LIMK1: variants seen among roughly 807,000 people sequenced by gnomAD.
LIMK1 encodes LIM motif-containing protein kinase.
In LIMK1, 21 loss-of-function variants were observed where a neutral mutation model predicts 77.6. That is an observed-to-expected ratio of 0.27 (90% CI 0.19 to 0.39). The LOEUF is 0.39. Ranked by LOEUF, LIMK1 falls within the 10% of genes least tolerant of loss-of-function variation. The pLI is 1.00. For missense variants in LIMK1, 696 were observed against 901.6 expected (o/e 0.77, Z 2.92); for synonymous variants, 358 against 370.0 (o/e 0.97, Z 0.37).
rs57707215 is a variant in LIMK1, at chr7:74,118,377, A to AACACACACAC, written c.1568-2166_1568-2157dup. Among the ~76,000 whole-genome samples, 505 of 130,124 alleles carry AACACACACAC rather than the reference A, an allele frequency of 3.9e-3. 1 individual carries two copies. Among genetic ancestry groups the AACACACACAC allele is most frequent in the Middle Eastern group, 0.016 (4 of 254 alleles). 85.4% of individuals were successfully genotyped at this position (130,124 alleles called of 152,430 possible). A position where few individuals can be genotyped will look rare whatever the true frequency, so the allele number is the denominator to read the frequency against. ...GACGACAGAGTGGGACTCTGTGTCAAACACACACACACACACACACACACA... is the reference window on the plus strand; with the variant it reads ...GACGACAGAGTGGGACTCTGTGTCAAACACACACACACACACACACACACACACACACACA... On this transcript the variant is annotated intron_variant, in intron 13 of 15. Coordinates refer to ENST00000336180, the MANE Select transcript of LIMK1 (RefSeq NM_002314.4).
chr7:74,099,278 A>T (rs373252592), intron 5 of LIMK1, 40 bp downstream of exon 5: 1 of 1,573,440 alleles, frequency 6.4e-7, no homozygotes, highest in East Asian at 2.2e-5. Flanking sequence ...CGGTGTGGCT[A>T]TGGCTGTTGA....
chr7:74,102,867 C>CTTTT (rs200075270), intron 5 of LIMK1, among the ~76,000 whole-genome samples: 1 of 135,408 alleles, frequency 7.4e-6, no homozygotes, highest in East Asian at 2.1e-4. Context: ...TCATCAGTAT[C>CTTTT]TTTTTTTTTT....
At chr7:74,095,617 GCTGGCCTCAAACCT>G (rs1799323537) in intron 2 of LIMK1, among the ~76,000 whole-genome samples, 2 of 152,024 alleles carry the variant, frequency 1.3e-5, no homozygotes, top group African/African-American at 4.8e-5. Context: ...TGTTGCCCAG[GCTGGCCTCAAACCT>G]CTGGCCTCAA....
intron 11 of LIMK1, 93 bp from the exon 12 acceptor site, chr7:74,111,831 CTGGCCTGAT>C: frequency 2.1e-6 from 3 of 1,435,582 alleles, no homozygotes; most frequent in Non-Finnish European, 2.9e-6. Context: ...ATCGTCCCGA[CTGGCCTGAT>C]TGGGGTGGGA....
At chr7:74,110,536 G>A (rs1211004122) in intron 10 of LIMK1, 1 of 152,094 alleles carries the variant, frequency 6.6e-6, no homozygotes, top group African/African-American at 2.4e-5. Context: ...TTTTGTTTTT[G>A]TTTTTGTTTT....
Position 74,120,928 on chromosome 7 carries a change from C to A in LIMK1, c.1660C>A (p.Pro554Thr). The A allele has an allele frequency of 6.2e-7, 1 of 1,614,158 alleles. No individual in the cohort carries two copies. The highest frequency in any genetic ancestry group is 1.1e-5 in the South Asian group (1 of 91,088). Reference sequence around the variant, plus strand: ...GGTGAACGCAGACCCTGACTACCTGCCCCGCACCATGGACTTTGGCCTCAA... The same window carrying A: ...GGTGAACGCAGACCCTGACTACCTGACCCGCACCATGGACTTTGGCCTCAA... Reference protein sequence around the residue: ...GRVNADPDYLPRTMDFGLNVR... With the variant: ...GRVNADPDYLTRTMDFGLNVR... The change falls in exon 15 of 16, where the codon CCC becomes ACC. Residue 554 changes from proline to threonine, a missense_variant. Transcript: ENST00000336180.
chr7:74,084,136 C>A, intron 1 of LIMK1, 91 bp downstream of exon 1: 1 of 586,452 alleles, frequency 1.7e-6, no homozygotes, highest in South Asian at 2.9e-5. Context: ...GCCAGGAGGC[C>A]GCGCCCCTGC....
chr7:74,120,342 G>T (rs1706947594), intron 13 of LIMK1, among the ~76,000 whole-genome samples: 1 of 152,250 alleles, frequency 6.6e-6, no homozygotes, highest in South Asian at 2.1e-4. Context: ...GCTGATCGGT[G>T]CCTCGAACTC....
chr7:74,086,968 G>A (rs1210368986), intron 2 of LIMK1, among the ~76,000 whole-genome samples: 1 of 152,144 alleles, frequency 6.6e-6, no homozygotes, highest in East Asian at 1.9e-4. Flanking sequence ...CAGGGTTGTG[G>A]CGGAGGATAA....
chr7:74,093,086 CT>C, intron 2 of LIMK1: 2 of 1,400,604 alleles, frequency 1.4e-6, no homozygotes, highest in African/African-American at 2.9e-5. Context: ...ACCAAGTCCC[CT>C]GGCACCCACG....
intron 4 of LIMK1, among the ~76,000 whole-genome samples, chr7:74,098,196 A>G (rs1359415812): frequency 2.0e-5 from 3 of 152,162 alleles, no homozygotes; most frequent in Non-Finnish European, 2.9e-5. Flanking sequence ...TTCAAATCAC[A>G]TGATGTATCT....
chr7:74,114,691 G>A (rs373204368), intron 12 of LIMK1, among the ~76,000 whole-genome samples: 1 of 152,078 alleles, frequency 6.6e-6, no homozygotes, highest in Non-Finnish European at 1.5e-5. Flanking sequence ...CGACGTGGGC[G>A]GATCACGAGG....
In LIMK1 at chr7:74,102,970, T is replaced by C. The variant is rs980533902; in HGVS notation, c.609-2905T>C. On this transcript the variant is annotated intron_variant, in intron 5 of 15. Coordinates refer to ENST00000336180, the MANE Select transcript of LIMK1 (RefSeq NM_002314.4). ...TGCAACCTCCGCCTTTGGGCTTAAG[T>C]GATTCTCCTGCCTCAGCCTCCTAAG... Among the ~76,000 whole-genome samples, 3 of 151,702 alleles carry C rather than the reference T, an allele frequency of 2.0e-5. No homozygotes were observed. In the East Asian group the frequency reaches 5.8e-4, roughly 29 times the overall value.
At chr7:74,116,735 T>A (rs1373408092) in intron 13 of LIMK1, among the ~76,000 whole-genome samples, 1 of 150,354 alleles carries the variant, frequency 6.7e-6, no homozygotes, top group East Asian at 2.0e-4. Flanking sequence ...AGGGTCTCGC[T>A]CTGTTACTCA....
At chr7:74,113,309 G>A (rs1799740530) in intron 12 of LIMK1, among the ~76,000 whole-genome samples, 1 of 151,906 alleles carries the variant, frequency 6.6e-6, no homozygotes, top group Non-Finnish European at 1.5e-5. Context: ...GGGAGACAGA[G>A]CCAGACCCTG....
intron 2 of LIMK1, among the ~76,000 whole-genome samples, chr7:74,089,362 C>T (rs1799195462): frequency 6.6e-6 from 1 of 152,020 alleles, no homozygotes; most frequent in Admixed American, 6.6e-5. Context: ...ATTAGCTGAG[C>T]ATGGTGGTGG....
chr7:74,091,195 A>G (rs1799227777), intron 2 of LIMK1, among the ~76,000 whole-genome samples: 1 of 149,686 alleles, frequency 6.7e-6, no homozygotes, highest in South Asian at 2.3e-4. Context: ...AAGTGCTGGG[A>G]TTACAGGCGT....
chr7:74,120,277 A>G (rs1422827339), intron 13 of LIMK1, among the ~76,000 whole-genome samples: 3 of 152,234 alleles, frequency 2.0e-5, no homozygotes, highest in African/African-American at 7.2e-5. Flanking sequence ...CAGAGACCTG[A>G]CATGGTTCCC....
At position 74,084,103 on chromosome 7, in the gene LIMK1, G is replaced by A. The variant is rs1369948802; in HGVS notation, c.55+58G>A. On this transcript the variant is annotated intron_variant, in intron 1 of 15. Coordinates refer to ENST00000336180, the MANE Select transcript of LIMK1 (RefSeq NM_002314.4). ...TGGAGGGGGTGCCCGGGGCAGCGTG[G>A]GGCACGGGAGGGGGCCGGGTCTGCC... 10 of 986,614 alleles carry A rather than the reference G, an allele frequency of 1.0e-5. No homozygotes were observed. In the East Asian group the frequency reaches 1.6e-4, roughly 16 times the overall value. The allele number at this position is 986,614 out of a possible 1,614,324, so 61.1% of individuals were successfully genotyped here.
Sources: allele counts gnomAD v4.1 joint callset (sites outside exome capture counted in the v4.1 genomes callset), GRCh38; gene constraint gnomAD v4.1.1; transcripts MANE v1.5; gene names NCBI Gene and HGNC (gene_info 2026-07-23, HGNC 2026-07-21).